The following PRKCZ variants were observed in gnomAD, a reference collection of about 807,000 sequenced individuals.
The protein encoded by PRKCZ is protein kinase C zeta.
A neutral mutation model predicts 79.5 loss-of-function variants in PRKCZ; 33 were observed. The ratio of observed to expected loss-of-function variants is 0.41; its 90% CI spans 0.31 to 0.55. The LOEUF (loss-of-function observed/expected upper bound fraction) is 0.55. Ranked by LOEUF, PRKCZ falls within the 20% of genes least tolerant of loss-of-function variation. The pLI is 0.19. For missense variants in PRKCZ, 578 were observed against 813.5 expected (o/e 0.71, Z 3.52); for synonymous variants, 342 against 320.9 (o/e 1.07, Z -0.70).
At chr1:2,148,659 C>T (rs891071662) in intron 7 of PRKCZ, among the ~76,000 whole-genome samples, 1 of 152,242 alleles carries the variant, frequency 6.6e-6, no homozygotes, top group Non-Finnish European at 1.5e-5. Flanking sequence ...CACGAATGTA[C>T]ATCCCCAGGT....
chr1:2,160,238 CGTGTGTGTGTGTGTGTGTGTGTGT>C (rs56068331), intron 10 of PRKCZ, among the ~76,000 whole-genome samples: 2 of 146,468 alleles, frequency 1.4e-5, no homozygotes, highest in Non-Finnish European at 3.0e-5. Flanking sequence ...CAGCAGTGTG[CGTGTGTGTGTGTGTGTGTGTGTGT>C]GTGTGTGTGT....
intron 4 of PRKCZ, among the ~76,000 whole-genome samples, chr1:2,087,559 G>A (rs991607335): frequency 6.6e-6 from 1 of 152,128 alleles, no homozygotes; most frequent in Non-Finnish European, 1.5e-5. Context: ...TCGCTCCCAA[G>A]GGTTTTTAAT....
intron 10 of PRKCZ, among the ~76,000 whole-genome samples, chr1:2,162,412 G>A (rs1682498374): frequency 6.6e-6 from 1 of 152,212 alleles, no homozygotes; most frequent in South Asian, 2.1e-4. Flanking sequence ...GATTACAGGT[G>A]TAAGCCACTG....
intron 4 of PRKCZ, among the ~76,000 whole-genome samples, chr1:2,097,986 T>A (rs1357007071): frequency 6.6e-6 from 1 of 152,108 alleles, no homozygotes; most frequent in East Asian, 1.9e-4. Flanking sequence ...TTGGCTATTT[T>A]AAAGAGAGTA....
chr1:2,154,558 A>C (rs1286630662), intron 9 of PRKCZ, among the ~76,000 whole-genome samples: 1 of 152,162 alleles, frequency 6.6e-6, no homozygotes, highest in Non-Finnish European at 1.5e-5. Context: ...TAAAATTGCC[A>C]AGTGTGGCAT....
chr1:2,101,214 T>C (rs1051023982), intron 4 of PRKCZ, among the ~76,000 whole-genome samples: 14 of 152,194 alleles, frequency 9.2e-5, no homozygotes, highest in Non-Finnish European at 1.9e-4. Context: ...TTAAAAGGTT[T>C]AACTTCAAGG....
intron 4 of PRKCZ, among the ~76,000 whole-genome samples, chr1:2,063,433 C>T (rs1389136542): frequency 1.3e-5 from 2 of 152,222 alleles, no homozygotes; most frequent in Non-Finnish European, 2.9e-5. Flanking sequence ...CTGTCTCAGC[C>T]TCCCAAGTAG....
rs575776258 is a variant in PRKCZ at position 2,077,408 on chromosome 1, G to C, written c.334+17817G>C. Among the ~76,000 whole-genome samples the C allele has an allele frequency of 3.9e-4, 60 of 152,318 alleles. 1 individual carries two copies. The South Asian group carries it at 6.8e-3, about 17-fold the overall frequency. Reference sequence around the variant, plus strand: ...GGTGCACTGGCAGCTCAGCCGCATCGTGGGCCCAGATGGCTTCTTCTGTTT... The same window carrying C: ...GGTGCACTGGCAGCTCAGCCGCATCCTGGGCCCAGATGGCTTCTTCTGTTT... On this transcript the variant is annotated intron_variant, in intron 4 of 17. Transcript: ENST00000378567.
intron 6 of PRKCZ, 69 bp downstream of exon 6, chr1:2,144,410 C>G: frequency 3.9e-6 from 6 of 1,529,594 alleles, no homozygotes; most frequent in Non-Finnish European, 5.3e-6. Flanking sequence ...AGCCCATTGT[C>G]CAAGCAGACC....
intron 3 of PRKCZ, 132 bp from the exon 4 acceptor site, chr1:2,059,409 C>G (rs759824255): frequency 1.7e-4 from 183 of 1,083,320 alleles, no homozygotes; most frequent in Non-Finnish European, 2.3e-4. Flanking sequence ...GGAGCGGGCT[C>G]TCATTGGCAG....
intron 4 of PRKCZ, among the ~76,000 whole-genome samples, chr1:2,071,137 G>T (rs1379795382): frequency 6.6e-6 from 1 of 151,348 alleles, no homozygotes; most frequent in African/African-American, 2.4e-5. Flanking sequence ...CCGGCAGGGA[G>T]CCTGCGCTGT....
At chr1:2,155,080 T>C (rs1399212613) in intron 9 of PRKCZ, among the ~76,000 whole-genome samples, 1 of 152,128 alleles carries the variant, frequency 6.6e-6, no homozygotes, top group Non-Finnish European at 1.5e-5. Context: ...AGCTGGTAGC[T>C]TTGGTGATCG....
rs916740231 is a variant in PRKCZ, at chr1:2,172,668, G to T, written c.1285+280G>T. ...GAGGGGAAAGACACAGAAAGCGGGG[G>T]TGGGACAGGGTGCAGCACCTGAGTC... On this transcript the variant is annotated intron_variant, in intron 13 of 17. Transcript: ENST00000378567. This position sits in a 1 kb window ranked among gnomAD's most constrained non-coding sequence, Gnocchi z 7.8. Among the ~76,000 whole-genome samples, 1 of 152,246 alleles carries T rather than the reference G, an allele frequency of 6.6e-6. No homozygotes were observed. The highest frequency in any genetic ancestry group is 2.4e-5 in the African/African-American group (1 of 41,462).
chr1:2,156,051 C>T lies in PRKCZ; in HGVS notation c.933C>T (p.Pro311=). The change falls in exon 10 of 18, where the codon CCC becomes CCT. Residue 311 remains proline, a synonymous_variant. Transcript: ENST00000378567. ...TGTTTGAGCAGGCATCCAGCAACCC[C>T]TTCCTGGTCGGATTACACTCCTGCT... ...KHVFEQASSN[P]FLVGLHSCFQ... is the part of the protein sequence containing the mutation. The T allele has an allele frequency of 6.2e-7, 1 of 1,614,006 alleles. No individual in the cohort carries two copies. The highest frequency in any genetic ancestry group is 2.2e-5 in the East Asian group (1 of 44,870).
At chr1:2,175,742 C>G (rs937361627) in intron 16 of PRKCZ, among the ~76,000 whole-genome samples, 4 of 152,050 alleles carry the variant, frequency 2.6e-5, no homozygotes, top group African/African-American at 9.7e-5. Context: ...CCCTCCAGGG[C>G]CCCGAGGAGG....
chr1:2,152,330 C>G (rs1389305898), intron 9 of PRKCZ, among the ~76,000 whole-genome samples: 1 of 152,058 alleles, frequency 6.6e-6, no homozygotes, highest in Non-Finnish European at 1.5e-5. Context: ...GTCAGGAGTT[C>G]AAGACCAGCC....
chr1:2,158,846 C>T (rs1350130529), intron 10 of PRKCZ, among the ~76,000 whole-genome samples: 1 of 152,162 alleles, frequency 6.6e-6, no homozygotes, highest in Non-Finnish European at 1.5e-5. Flanking sequence ...CTGTGGGATC[C>T]CCGCAGCGGC....
At position 2,165,506 on chromosome 1, in the gene PRKCZ, G is replaced by C. The variant is rs565245361; in HGVS notation, c.975-4012G>C. Among the ~76,000 whole-genome samples, 39 of 152,346 alleles carry C rather than the reference G, an allele frequency of 2.6e-4. No homozygotes were observed. Among genetic ancestry groups the C allele is most frequent in the Non-Finnish European group, 4.6e-4 (31 of 68,044 alleles). On this transcript the variant is annotated intron_variant, in intron 10 of 17. Coordinates refer to ENST00000378567, the MANE Select transcript of PRKCZ (RefSeq NM_002744.6). The surrounding 1 kb of genome is among the most constrained non-coding windows in gnomAD (Gnocchi z 4.1). ...GGGGTCAAGTGCGTTAACACAGAGG[G>C]ACTTGGAGACTGACGCTTACTGAGG...
chr1:2,053,256 A>G (rs957648819), intron 1 of PRKCZ, among the ~76,000 whole-genome samples: 8 of 151,586 alleles, frequency 5.3e-5, no homozygotes, highest in Admixed American at 5.3e-4. Flanking sequence ...GCCCGCCACC[A>G]CGCCCGGTTA....
Sources: gnomAD v4.1 joint callset for allele counts (sites outside exome capture counted in the v4.1 genomes callset) on GRCh38, gnomAD v4.1.1 for gene constraint, Gnocchi (gnomAD v3.1) non-coding constraint, MANE v1.5 for transcripts, NCBI Gene and HGNC (gene_info 2026-07-23, HGNC 2026-07-21) for gene names.